The following CNOT10 variants were observed in gnomAD, a reference collection of about 807,000 sequenced individuals.
The protein encoded by CNOT10 is CCR4-NOT transcription complex subunit 10.
Under a neutral mutation model 94.6 loss-of-function variants are expected in CNOT10, and 30 were observed. The observed-to-expected ratio is 0.32, with a 90% confidence interval of 0.24 to 0.43. The LOEUF (loss-of-function observed/expected upper bound fraction) is 0.43, where lower values mean the gene tolerates loss of function less well. Among genes scored for constraint, CNOT10 ranks in the 20% least tolerant of loss-of-function variants. The pLI is 1.00. For synonymous variants in CNOT10, 289 were observed against 301.6 expected (o/e 0.96, Z 0.43); for missense variants, 759 against 877.2 (o/e 0.87, Z 1.70).
intron 5 of CNOT10, 139 bp from the exon 6 acceptor site, chr3:32,716,086 C>G (rs559771275): frequency 2.0e-6 from 1 of 494,798 alleles, no homozygotes; most frequent in Non-Finnish European, 3.6e-6. Context: ...GGATTACAGG[C>G]ATGAACCACC....
At chr3:32,752,885 G>A (rs866757954) in intron 13 of CNOT10, 5 of 333,416 alleles carry the variant, frequency 1.5e-5, no homozygotes, top group African/African-American at 2.2e-5. Context: ...TAGCAGCTCC[G>A]GCGGCAGCAG....
intron 1 of CNOT10, among the ~76,000 whole-genome samples, chr3:32,692,526 G>C (rs1347358499): frequency 6.6e-6 from 1 of 152,154 alleles, no homozygotes; most frequent in African/African-American, 2.4e-5. Flanking sequence ...CATAATGTCA[G>C]GTTATCCAGT....
chr3:32,695,325 T>C (rs547471940), intron 1 of CNOT10, among the ~76,000 whole-genome samples: 1 of 151,942 alleles, frequency 6.6e-6, no homozygotes, highest in Non-Finnish European at 1.5e-5. Context: ...GTGGCATCCT[T>C]CTTAAGATTT....
At chr3:32,754,476 C>CAAAAAAAAAA (rs1553637886) in intron 13 of CNOT10, among the ~76,000 whole-genome samples, 1 of 36,256 alleles carries the variant, frequency 2.8e-5, no homozygotes, top group African/African-American at 1.4e-4. Flanking sequence ...GACTCCGTCT[C>CAAAAAAAAAA]AAAAAAAAAA....
chr3:32,751,154 G>T (rs560345388), intron 13 of CNOT10, among the ~76,000 whole-genome samples: 1 of 152,306 alleles, frequency 6.6e-6, no homozygotes, highest in East Asian at 1.9e-4. Flanking sequence ...AGGCTAGAGT[G>T]CAGTGGCACA....
intron 1 of CNOT10, among the ~76,000 whole-genome samples, chr3:32,693,274 G>C (rs568796383): frequency 6.6e-6 from 1 of 150,440 alleles, no homozygotes; most frequent in East Asian, 2.0e-4. Context: ...TGGAGTACAG[G>C]GGCATGATCT....
chr3:32,685,557 G>T, intron 1 of CNOT10, 75 bp downstream of exon 1: 1 of 1,517,158 alleles, frequency 6.6e-7, no homozygotes, highest in East Asian at 2.5e-5. Context: ...CGGAGGCGGC[G>T]GGGCCCGGGG....
chr3:32,732,167 G>C (rs921288816), intron 10 of CNOT10, among the ~76,000 whole-genome samples: 5 of 152,180 alleles, frequency 3.3e-5, no homozygotes, highest in African/African-American at 1.2e-4. Flanking sequence ...GAGGCGGGCG[G>C]ATCACTTGAG....
At chr3:32,733,959 A>G (rs1364852503) in intron 11 of CNOT10, among the ~76,000 whole-genome samples, 1 of 152,232 alleles carries the variant, frequency 6.6e-6, no homozygotes, top group Non-Finnish European at 1.5e-5. Flanking sequence ...GTATTAAAAC[A>G]TAAAGCAACC....
intron 13 of CNOT10, among the ~76,000 whole-genome samples, chr3:32,754,612 C>G (rs529074176): frequency 7.1e-6 from 1 of 141,228 alleles, no homozygotes; most frequent in South Asian, 2.4e-4. Context: ...CTCTGCCTCC[C>G]GGGTTCAAGC....
intron 13 of CNOT10, among the ~76,000 whole-genome samples, chr3:32,759,046 T>G (rs1287589892): frequency 1.3e-5 from 2 of 152,162 alleles, no homozygotes; most frequent in Middle Eastern, 3.2e-3. Context: ...GTAGAAAGAA[T>G]AAGATCTCAT....
intron 1 of CNOT10, 97 bp downstream of exon 1, chr3:32,685,579 G>A: frequency 7.3e-7 from 1 of 1,370,710 alleles, no homozygotes; most frequent in Non-Finnish European, 1.0e-6. Context: ...GGGGACTCCA[G>A]GGCGACTTGA....
At chr3:32,748,805 C>A (rs1014704064) in intron 13 of CNOT10, among the ~76,000 whole-genome samples, 8 of 150,870 alleles carry the variant, frequency 5.3e-5, no homozygotes. Context: ...AGCCACCATG[C>A]CCGGCCTGTT....
At chr3:32,691,309 G>A (rs1039974260) in intron 1 of CNOT10, among the ~76,000 whole-genome samples, 11 of 151,846 alleles carry the variant, frequency 7.2e-5, no homozygotes, top group Non-Finnish European at 1.6e-4. Context: ...CTACAGGTGT[G>A]TGCCACCATG....
rs116780314 is a variant in CNOT10, at chr3:32,743,857, T to C, written c.1595+6367T>C. On this transcript the variant is annotated intron_variant, in intron 13 of 18. Coordinates refer to ENST00000328834, the MANE Select transcript of CNOT10 (RefSeq NM_015442.3). ...TTCAAAGAAAATAATATTACTTCCA[T>C]TTTTTTTGTGTGTGAAAAGGAGCAT... 7.0e-3 allele frequency among the ~76,000 whole-genome samples: 1,066 copies of C among 152,310 alleles called. 20 individuals carry two copies. Among genetic ancestry groups the C allele is most frequent in the African/African-American group, 0.024 (996 of 41,560 alleles).
At chr3:32,737,179 G>A (rs531106314) in intron 12 of CNOT10, among the ~76,000 whole-genome samples, 3 of 152,146 alleles carry the variant, frequency 2.0e-5, no homozygotes, top group Non-Finnish European at 4.4e-5. Context: ...GCTGGGCGTG[G>A]TGGTGTGCGC....
chr3:32,724,600 G>A (rs1007197307), intron 8 of CNOT10, among the ~76,000 whole-genome samples: 3 of 152,094 alleles, frequency 2.0e-5, no homozygotes, highest in Non-Finnish European at 2.9e-5. Context: ...TTTTAGTAGA[G>A]ACGGGGTTTC....
chr3:32,723,861 A>T (rs1306018606), intron 8 of CNOT10, among the ~76,000 whole-genome samples: 1 of 152,170 alleles, frequency 6.6e-6, no homozygotes, highest in Non-Finnish European at 1.5e-5. Flanking sequence ...CAGGAGGATC[A>T]CTTGATTCCA....
intron 13 of CNOT10, chr3:32,753,633 A>G (rs1055108112): frequency 1.9e-6 from 3 of 1,565,202 alleles, no homozygotes; most frequent in Non-Finnish European, 2.6e-6. Flanking sequence ...TAAAGCACCT[A>G]CATCCATCAT....
Sources: gnomAD v4.1 joint callset for allele counts (sites outside exome capture counted in the v4.1 genomes callset) on GRCh38, gnomAD v4.1.1 for gene constraint, MANE v1.5 for transcripts, NCBI Gene and HGNC (gene_info 2026-07-23, HGNC 2026-07-21) for gene names.